The following MID1 variants were observed in gnomAD, a reference collection of about 807,000 sequenced individuals.
The protein encoded by MID1 is midline 1.
Under a neutral mutation model 40.4 loss-of-function variants are expected in MID1, and 7 were observed. The ratio of observed to expected loss-of-function variants is 0.17; its 90% CI spans 0.10 to 0.33. MID1 has a LOEUF of 0.33. Among genes scored for constraint, MID1 ranks in the 10% least tolerant of loss-of-function variants. The pLI, the probability that MID1 is intolerant of heterozygous loss-of-function variation, is 1.00. For missense variants in MID1, 367 were observed against 558.5 expected (o/e 0.66, Z 3.46); for synonymous variants, 229 against 221.2 (o/e 1.04, Z -0.31).
At chrX:10,646,067 C>T (rs778358149) in intron 1 of MID1, among the ~76,000 whole-genome samples, 9 of 111,455 alleles carry the variant, frequency 8.1e-5, no homozygotes, top group Non-Finnish European at 1.7e-4. Context: ...TTACTCTCCT[C>T]GCCACCACTC....
intron 2 of MID1, among the ~76,000 whole-genome samples, chrX:10,544,688 TC>T (rs1015833729): frequency 3.6e-5 from 4 of 111,918 alleles, no homozygotes; most frequent in African/African-American, 1.3e-4. Flanking sequence ...TATACAGTAT[TC>T]CATGTCAGCA....
chrX:10,558,399 T>A (rs1470257283), intron 2 of MID1, among the ~76,000 whole-genome samples: 1 of 112,542 alleles, frequency 8.9e-6, no homozygotes, highest in Non-Finnish European at 1.9e-5. Flanking sequence ...AGCAGATTCA[T>A]CTCTTCCTCC....
At chrX:10,631,736 T>C (rs1401222286) in intron 1 of MID1, among the ~76,000 whole-genome samples, 1 of 111,960 alleles carries the variant, frequency 8.9e-6, no homozygotes, top group Admixed American at 9.5e-5. Flanking sequence ...AAGTCTTTGC[T>C]GAGAAAATCA....
intron 1 of MID1, among the ~76,000 whole-genome samples, chrX:10,764,963 T>C (rs1364231163): frequency 8.9e-6 from 1 of 112,279 alleles, no homozygotes; most frequent in Non-Finnish European, 1.9e-5. Context: ...AATGAAGGCA[T>C]ACTCATACAC....
chrX:10,627,934 G>A (rs1232916058), intron 1 of MID1, among the ~76,000 whole-genome samples: 1 of 111,648 alleles, frequency 9.0e-6, no homozygotes, highest in Non-Finnish European at 1.9e-5. Flanking sequence ...CAGAAAGATT[G>A]CCAGGATGGT....
chrX:10,473,902 T>C (rs184788415), intron 6 of MID1, among the ~76,000 whole-genome samples: 1 of 112,394 alleles, frequency 8.9e-6, no homozygotes, highest in Non-Finnish European at 1.9e-5. Flanking sequence ...TTTTTGTTGT[T>C]TTGTTGTTGT....
chrX:10,626,737 G>A (rs1935999830), intron 1 of MID1, among the ~76,000 whole-genome samples: 1 of 111,497 alleles, frequency 9.0e-6, no homozygotes, highest in South Asian at 3.8e-4. Flanking sequence ...ACATCCTGGA[G>A]CCTCCAAATG....
At chrX:10,599,918 C>T (rs1169683161) in intron 1 of MID1, among the ~76,000 whole-genome samples, 1 of 112,115 alleles carries the variant, frequency 8.9e-6, no homozygotes, top group Non-Finnish European at 1.9e-5. Flanking sequence ...AATGATTTGA[C>T]ATTAGAATGC....
chrX:10,585,540 C>T (rs996944315), intron 1 of MID1, among the ~76,000 whole-genome samples: 1 of 111,923 alleles, frequency 8.9e-6, no homozygotes, highest in African/African-American at 3.3e-5. Flanking sequence ...CTCAGGAGAG[C>T]GTTTATAAAC....
chrX:10,569,624 AACAAGAATG>A (rs1176625818), intron 1 of MID1, among the ~76,000 whole-genome samples: 2 of 112,405 alleles, frequency 1.8e-5, no homozygotes, highest in African/African-American at 6.5e-5. Context: ...TCTCAGATAA[AACAAGAATG>A]CCTACCAATG....
chrX:10,618,689 G>A (rs1190735897), intron 1 of MID1, among the ~76,000 whole-genome samples: 1 of 111,430 alleles, frequency 9.0e-6, no homozygotes, highest in Non-Finnish European at 1.9e-5. Flanking sequence ...CTAGGCATGG[G>A]AAAAACCATT....
chrX:10,590,751 A>G (rs1005574476), intron 1 of MID1, among the ~76,000 whole-genome samples: 1 of 112,357 alleles, frequency 8.9e-6, no homozygotes, highest in Admixed American at 9.4e-5. Context: ...GTTATCTTTG[A>G]GATAAATTAT....
At chrX:10,704,580 C>T (rs2043213109) in intron 1 of MID1, among the ~76,000 whole-genome samples, 1 of 108,169 alleles carries the variant, frequency 9.2e-6, no homozygotes, top group Non-Finnish European at 1.9e-5. Context: ...TGTGAAATAA[C>T]AGCAAAAGTT....
intron 1 of MID1, among the ~76,000 whole-genome samples, chrX:10,721,985 A>T (rs1366556659): frequency 1.8e-5 from 2 of 111,397 alleles, no homozygotes; most frequent in East Asian, 5.6e-4. Context: ...TATGTGTAGA[A>T]ATATTTCCAA....
intron 1 of MID1, among the ~76,000 whole-genome samples, chrX:10,751,298 TA>T (rs2147114689): frequency 9.2e-6 from 1 of 108,547 alleles, no homozygotes; most frequent in Non-Finnish European, 1.9e-5. Context: ...AAGAAAATTA[TA>T]AAAAATATCA....
At chrX:10,814,627 G>A (rs761177218) in intron 1 of MID1, among the ~76,000 whole-genome samples, 24 of 109,840 alleles carry the variant, frequency 2.2e-4, no homozygotes, top group African/African-American at 4.3e-4. Context: ...GTGTGTGTGC[G>A]CATGCATGCA....
chrX:10,456,300 C>CTT (rs1382620138), intron 8 of MID1, among the ~76,000 whole-genome samples: 1 of 112,113 alleles, frequency 8.9e-6, no homozygotes, highest in Non-Finnish European at 1.9e-5. Context: ...GACCAGCATA[C>CTT]TTTTTCTGCA....
rs1454263515 is a variant in MID1 at position 10,546,614 on chromosome X, C to T, written c.660+20274G>A. Among the ~76,000 whole-genome samples, 3 of 111,526 alleles carry T rather than the reference C, an allele frequency of 2.7e-5. No homozygotes were observed. The East Asian group carries it at 8.4e-4, about 31-fold the overall frequency. On this transcript the variant is annotated intron_variant, in intron 2 of 9. Transcript: ENST00000317552. ...CAATCTTCAGCAGTTGTCTTATCAC[C>T]TAACACTCCCTGTCAGAAGAAACCC...
chrX:10,825,553 G>A (rs1018568495), intron 1 of MID1, among the ~76,000 whole-genome samples: 19 of 111,896 alleles, frequency 1.7e-4, no homozygotes, highest in African/African-American at 6.2e-4. Flanking sequence ...CAAACTCTCG[G>A]GTTACAATTT....
Sources: gnomAD v4.1 joint callset for allele counts (sites outside exome capture counted in the v4.1 genomes callset) on GRCh38, gnomAD v4.1.1 for gene constraint, MANE v1.5 for transcripts, NCBI Gene and HGNC (gene_info 2026-07-23, HGNC 2026-07-21) for gene names.